The following PAPOLG variants were observed in gnomAD, a reference collection of about 807,000 sequenced individuals.
PAPOLG encodes PAP-gamma.
A neutral mutation model predicts 99.0 loss-of-function variants in PAPOLG; 40 were observed. The ratio of observed to expected loss-of-function variants is 0.40; its 90% CI spans 0.31 to 0.53. PAPOLG has a LOEUF of 0.53. PAPOLG is among the 20% of genes least tolerant of loss of function. PAPOLG has a pLI of 0.41. For synonymous variants in PAPOLG, 310 were observed against 299.3 expected (o/e 1.04, Z -0.37); for missense variants, 675 against 884.1 (o/e 0.76, Z 3.00).
intron 10 of PAPOLG, among the ~76,000 whole-genome samples, 191 bp from the exon 11 acceptor site, chr2:60,781,694 T>G (rs1321705249): frequency 6.6e-6 from 1 of 152,248 alleles, no homozygotes; most frequent in Non-Finnish European, 1.5e-5. Context: ...CTGCAGTATT[T>G]CCTTTGACTT....
intron 19 of PAPOLG, 190 bp downstream of exon 19, chr2:60,794,381 G>A: frequency 1.5e-6 from 1 of 658,998 alleles, no homozygotes; most frequent in East Asian, 2.8e-5. Flanking sequence ...AAATTTGAAT[G>A]ATTGGTCTGA....
intron 3 of PAPOLG, among the ~76,000 whole-genome samples, chr2:60,763,435 T>C (rs1670580859): frequency 6.6e-6 from 1 of 152,080 alleles, no homozygotes; most frequent in Non-Finnish European, 1.5e-5. Flanking sequence ...TTTATCTGTG[T>C]GTGATTGGTT....
chr2:60,787,320 C>T (rs182536874), intron 14 of PAPOLG, among the ~76,000 whole-genome samples, 191 bp from the exon 15 acceptor site: 6 of 152,276 alleles, frequency 3.9e-5, no homozygotes, highest in African/African-American at 1.2e-4. Flanking sequence ...TTCATAGCTG[C>T]TTAATCCTTC....
intron 2 of PAPOLG, 144 bp from the exon 3 acceptor site, chr2:60,761,597 T>C: frequency 1.6e-6 from 1 of 627,196 alleles, no homozygotes; most frequent in Non-Finnish European, 2.7e-6. Flanking sequence ...GATGGCCCTG[T>C]GTCAGTAGAT....
intron 9 of PAPOLG, 114 bp from the exon 10 acceptor site, chr2:60,780,593 C>G: frequency 8.8e-7 from 1 of 1,135,196 alleles, no homozygotes; most frequent in Non-Finnish European, 1.3e-6. Context: ...CCTTTAATAC[C>G]AAATACCCAG....
chr2:60,789,454 C>T (rs905175096), intron 15 of PAPOLG, among the ~76,000 whole-genome samples: 3 of 152,034 alleles, frequency 2.0e-5, no homozygotes, highest in Non-Finnish European at 4.4e-5. Flanking sequence ...AGGCTGATCT[C>T]GAACTCCTGG....
rs1280385771 is a variant in PAPOLG, at chr2:60,758,338, T to G, written c.18-1796T>G. 3.3e-5 allele frequency among the ~76,000 whole-genome samples: 5 copies of G among 149,688 alleles called. No individual in the cohort carries two copies. In the East Asian group the frequency reaches 5.8e-4, roughly 17 times the overall value. Reference sequence around the variant, plus strand: ...ATTTTGGTTTCTGGGGTTTTTTTTTTTTTTTTTTTTTTTGAGTCATTTTGG... The same window carrying G: ...ATTTTGGTTTCTGGGGTTTTTTTTTGTTTTTTTTTTTTTGAGTCATTTTGG... On this transcript the variant is annotated intron_variant, in intron 1 of 21. Coordinates refer to ENST00000238714, the MANE Select transcript of PAPOLG (RefSeq NM_022894.4).
At chr2:60,777,167 T>C (rs549438616) in intron 8 of PAPOLG, among the ~76,000 whole-genome samples, 1 of 152,292 alleles carries the variant, frequency 6.6e-6, no homozygotes, top group East Asian at 1.9e-4. Context: ...TAAAATTTTC[T>C]ATCAGCAGCC....
intron 7 of PAPOLG, among the ~76,000 whole-genome samples, chr2:60,772,742 C>T (rs1010339682): frequency 2.6e-5 from 4 of 151,950 alleles, no homozygotes; most frequent in South Asian, 2.1e-4. Context: ...AGCGAGTCTC[C>T]GTCTCAAAAA....
intron 3 of PAPOLG, among the ~76,000 whole-genome samples, chr2:60,764,306 T>C (rs1377438216): frequency 6.6e-6 from 1 of 152,190 alleles, no homozygotes; most frequent in African/African-American, 2.4e-5. Context: ...AAGCCCACTG[T>C]TTAAAAGAAA....
At chr2:60,773,599 A>G (rs1438058679) in intron 7 of PAPOLG, among the ~76,000 whole-genome samples, 1 of 152,140 alleles carries the variant, frequency 6.6e-6, no homozygotes, top group African/African-American at 2.4e-5. Context: ...CCCTTTATTC[A>G]TGCATGATTT....
intron 15 of PAPOLG, among the ~76,000 whole-genome samples, chr2:60,789,696 G>C (rs1671473056): frequency 6.6e-6 from 1 of 152,180 alleles, no homozygotes; most frequent in Non-Finnish European, 1.5e-5. Context: ...TTTATCTTAA[G>C]AATCTGGAAT....
rs1198683286 is a variant in PAPOLG at position 60,784,755 on chromosome 2, T to G, written c.1166+1546T>G. 5.9e-5 allele frequency among the ~76,000 whole-genome samples: 9 copies of G among 152,218 alleles called. No homozygotes were observed. The East Asian group carries it at 1.5e-3, about 26-fold the overall frequency. On this transcript the variant is annotated intron_variant, in intron 13 of 21. Transcript: ENST00000238714. Reference sequence around the variant, plus strand: ...TTGGAACATAGCCATGTTTCTTCGTTTATATATTATCTATGGCTGCTTCTG... The same window carrying G: ...TTGGAACATAGCCATGTTTCTTCGTGTATATATTATCTATGGCTGCTTCTG...
rs547323125 is a variant in PAPOLG, at chr2:60,765,392, T to C, written c.247-3078T>C. Among the ~76,000 whole-genome samples the C allele has an allele frequency of 9.2e-4, 135 of 147,010 alleles. 2 individuals are homozygous for C. The highest frequency in any genetic ancestry group is 3.0e-3 in the African/African-American group (121 of 40,498). Reference sequence around the variant, plus strand: ...AACCACACCCAGCCTATAATTCTCTTTTTTTTTTTTTTTGATTTTAAAAAA... The same window carrying C: ...AACCACACCCAGCCTATAATTCTCTCTTTTTTTTTTTTTGATTTTAAAAAA... On this transcript the variant is annotated intron_variant, in intron 3 of 21. Transcript: ENST00000238714.
In PAPOLG at chr2:60,766,422, G is replaced by A. The variant is rs1670677079; in HGVS notation, c.247-2048G>A. On this transcript the variant is annotated intron_variant, in intron 3 of 21. Coordinates refer to ENST00000238714, the MANE Select transcript of PAPOLG (RefSeq NM_022894.4). ...CTCATGCCTGTGATCCCAGCACTTT[G>A]GGAGGCTGAGACAGGAGGATCGCTT... 2.0e-5 allele frequency among the ~76,000 whole-genome samples: 3 copies of A among 152,202 alleles called. No homozygotes were observed. The South Asian group carries it at 6.2e-4, about 32-fold the overall frequency.
rs1165789782 is a variant in PAPOLG, at chr2:60,770,470, G to A, written c.451G>A (p.Ala151Thr). 1 of 1,598,376 alleles carries A rather than the reference G, an allele frequency of 6.3e-7. No homozygotes were observed. Residue 151 changes from alanine (A) to threonine (T), a missense_variant, in exon 6 of 22, where the codon GCC becomes ACC. Physicochemically the swap from Ala to Thr is moderately conservative, Grantham distance 58 (BLOSUM62 0). Transcript: ENST00000238714. ...GIRNLRAVED[A>T]FVPVIKFEFD... is the part of the protein sequence containing the mutation. ...TCCTTTTTTGTAGGCTGTAGAAGAT[G>A]CCTTTGTACCTGTTATAAAATTTGA...
chr2:60,790,345 G>T (rs1363843515), intron 15 of PAPOLG, among the ~76,000 whole-genome samples: 2 of 152,104 alleles, frequency 1.3e-5, no homozygotes, highest in African/African-American at 4.8e-5. Flanking sequence ...TAAGAAACTT[G>T]AGGCCCCAAG....
chr2:60,793,432 C>G (rs1160769622), intron 17 of PAPOLG, among the ~76,000 whole-genome samples, 195 bp from the exon 18 acceptor site: 1 of 151,194 alleles, frequency 6.6e-6, no homozygotes, highest in East Asian at 2.0e-4. Flanking sequence ...GATATGATGG[C>G]ACACACCTAT....
chr2:60,781,630 AT>A (rs1443249887), intron 10 of PAPOLG, among the ~76,000 whole-genome samples: 1 of 152,224 alleles, frequency 6.6e-6, no homozygotes, highest in Non-Finnish European at 1.5e-5. Context: ...ATAAGAGATC[AT>A]TGTTTATAAG....
Sources: allele counts gnomAD v4.1 joint callset (sites outside exome capture counted in the v4.1 genomes callset), GRCh38; gene constraint gnomAD v4.1.1; transcripts MANE v1.5; gene names NCBI Gene and HGNC (gene_info 2026-07-23, HGNC 2026-07-21).